The following THRB variants were observed in gnomAD, a reference collection of about 807,000 sequenced individuals.
THRB encodes the protein thyroid hormone receptor beta, also known as nuclear receptor subfamily 1 group A member 2.
THRB carries 12 observed loss-of-function variants against 47.8 expected under a neutral mutation model. The observed-to-expected ratio is 0.25, with a 90% CI of 0.16 to 0.41. THRB has a LOEUF of 0.41. Among genes scored for constraint, THRB ranks in the 10% least tolerant of loss-of-function variants. The pLI is 1.00. For missense variants in THRB, 348 were observed against 589.2 expected, an observed-to-expected ratio of 0.59 and a Z score of 4.24; for synonymous variants, 218 against 212.2, an observed-to-expected ratio of 1.03 and a Z score of -0.24.
chr3:24,306,935 T>C (rs2057381293), intron 2 of THRB, among the ~76,000 whole-genome samples: 1 of 152,092 alleles, frequency 6.6e-6, no homozygotes, highest in South Asian at 2.1e-4. Context: ...GTCTATCATA[T>C]CTGGTTCTAA....
intron 1 of THRB, among the ~76,000 whole-genome samples, chr3:24,428,108 C>T (rs1408417298): frequency 1.3e-5 from 2 of 151,978 alleles, no homozygotes. Context: ...TATATCAAAT[C>T]AGTCCAAAGA....
At chr3:24,436,711 C>T (rs969166182) in intron 1 of THRB, among the ~76,000 whole-genome samples, 2 of 152,122 alleles carry the variant, frequency 1.3e-5, no homozygotes, top group Non-Finnish European at 2.9e-5. Context: ...CGTTATTCCC[C>T]GGTGGGGTGG....
chr3:24,217,949 T>TG (rs769990540), intron 4 of THRB, among the ~76,000 whole-genome samples: 2 of 152,220 alleles, frequency 1.3e-5, no homozygotes, highest in Non-Finnish European at 2.9e-5. Flanking sequence ...TCAAATCTTA[T>TG]GTTTAGATTA....
At chr3:24,399,797 T>A (rs930544171) in intron 1 of THRB, among the ~76,000 whole-genome samples, 1 of 152,074 alleles carries the variant, frequency 6.6e-6, no homozygotes, top group Non-Finnish European at 1.5e-5. Flanking sequence ...GCCAGAACCA[T>A]ATCCCAGGTG....
intron 1 of THRB, among the ~76,000 whole-genome samples, chr3:24,436,597 C>A (rs538037732): frequency 2.0e-5 from 3 of 152,250 alleles, no homozygotes; most frequent in African/African-American, 7.2e-5. Flanking sequence ...CTGAGCCTGA[C>A]CGTCGAAAAT....
At chr3:24,301,634 G>T (rs928851754) in intron 2 of THRB, among the ~76,000 whole-genome samples, 8 of 152,112 alleles carry the variant, frequency 5.3e-5, no homozygotes, top group East Asian at 3.8e-4. Context: ...GACACTTGGG[G>T]TATAAAATTA....
At chr3:24,334,925 C>A (rs1042668127) in intron 2 of THRB, among the ~76,000 whole-genome samples, 4 of 152,144 alleles carry the variant, frequency 2.6e-5, no homozygotes, top group Admixed American at 6.5e-5. Context: ...TAATATACAC[C>A]AGAATGGGTA....
At chr3:24,135,585 C>A (rs1324008715) in intron 8 of THRB, among the ~76,000 whole-genome samples, 1 of 152,020 alleles carries the variant, frequency 6.6e-6, no homozygotes, top group Non-Finnish European at 1.5e-5. Flanking sequence ...ATCACATGTA[C>A]AGCCTCCTTC....
chr3:24,362,925 G>A (rs1330705105), intron 1 of THRB, among the ~76,000 whole-genome samples: 2 of 152,146 alleles, frequency 1.3e-5, no homozygotes, highest in Admixed American at 6.6e-5. Context: ...AATGATACAT[G>A]TGACAACTGG....
intron 5 of THRB, among the ~76,000 whole-genome samples, chr3:24,171,113 T>C (rs2040375952): frequency 6.6e-6 from 1 of 152,204 alleles, no homozygotes; most frequent in African/African-American, 2.4e-5. Flanking sequence ...TTGCTGCCCT[T>C]TGAAGTAACT....
At chr3:24,137,018 G>A (rs1417321936) in intron 8 of THRB, among the ~76,000 whole-genome samples, 1 of 152,130 alleles carries the variant, frequency 6.6e-6, no homozygotes, top group Non-Finnish European at 1.5e-5. Context: ...GTTTTCCCAG[G>A]TGACCTCAGT....
chr3:24,130,840 A>G (rs2033745640), intron 9 of THRB, among the ~76,000 whole-genome samples: 1 of 152,322 alleles, frequency 6.6e-6, no homozygotes, highest in East Asian at 1.9e-4. Context: ...ACAGGAGCAT[A>G]TTTTTATTAG....
chr3:24,369,355 T>C (rs1384296077), intron 1 of THRB, among the ~76,000 whole-genome samples: 1 of 152,110 alleles, frequency 6.6e-6, no homozygotes, highest in African/African-American at 2.4e-5. Context: ...AATTAAGATT[T>C]AACAACACAT....
At chr3:24,420,552 C>T (rs1488721268) in intron 1 of THRB, among the ~76,000 whole-genome samples, 1 of 151,968 alleles carries the variant, frequency 6.6e-6, no homozygotes, top group East Asian at 2.0e-4. Context: ...CATGAACAGA[C>T]ATTTTTCAAA....
chr3:24,151,653 G>A (rs1299759486), intron 6 of THRB, among the ~76,000 whole-genome samples: 1 of 152,138 alleles, frequency 6.6e-6, no homozygotes, highest in East Asian at 1.9e-4. Flanking sequence ...CATTTTCAAG[G>A]CTAGATTGTT....
chr3:24,485,175 T>C lies in THRB; in HGVS notation c.-261+9477A>G, dbSNP rs73823334. 7.1e-3 allele frequency among the ~76,000 whole-genome samples: 1,084 copies of C among 152,304 alleles called. 12 individuals carry two copies. Among genetic ancestry groups the C allele is most frequent in the African/African-American group, 0.02 (820 of 41,576 alleles). On this transcript the variant is annotated intron_variant, in intron 1 of 10. Transcript: ENST00000646209. ...GACAGAGGAGCTATAGGCATGTACA[T>C]ACAATGGCAGAGAAACCCTTGAAGT...
At chr3:24,468,192 A>G (rs780057889) in intron 1 of THRB, among the ~76,000 whole-genome samples, 3 of 152,210 alleles carry the variant, frequency 2.0e-5, no homozygotes, top group Non-Finnish European at 4.4e-5. Flanking sequence ...CATGGAATTA[A>G]GAAAGTTAGG....
intron 1 of THRB, among the ~76,000 whole-genome samples, chr3:24,456,718 ATTATC>A (rs1243089270): frequency 2.0e-5 from 3 of 151,744 alleles, no homozygotes; most frequent in Admixed American, 6.6e-5. Flanking sequence ...AATGATAAGT[ATTATC>A]TTATGCTTAT....
intron 1 of THRB, among the ~76,000 whole-genome samples, chr3:24,452,900 A>T (rs2072805352): frequency 6.6e-6 from 1 of 152,152 alleles, no homozygotes; most frequent in Non-Finnish European, 1.5e-5. Context: ...AAATTTCTCC[A>T]GTATATTTCA....
Sources: allele counts gnomAD v4.1 joint callset (sites outside exome capture counted in the v4.1 genomes callset), GRCh38; gene constraint gnomAD v4.1.1; transcripts MANE v1.5; gene names NCBI Gene and HGNC (gene_info 2026-07-23, HGNC 2026-07-21).